The following CDON variants were observed in gnomAD, a reference collection of about 807,000 sequenced individuals.
CDON encodes cell adhesion associated, oncogene regulated.
A neutral mutation model predicts 120.9 loss-of-function variants in CDON; 73 were observed. The ratio of observed to expected loss-of-function variants is 0.60; its 90% CI spans 0.50 to 0.73. The LOEUF is 0.73. Among genes scored for constraint, CDON ranks in the 30% least tolerant of loss-of-function variants. The pLI, the probability that CDON is intolerant of heterozygous loss-of-function variation, is 0.00. For missense variants in CDON, 1,470 were observed against 1,587.3 expected (o/e 0.93, Z 1.26); for synonymous variants, 566 against 573.5 (o/e 0.99, Z 0.19).
intron 1 of CDON, among the ~76,000 whole-genome samples, chr11:126,046,833 A>G (rs1436319055): frequency 1.3e-5 from 2 of 152,002 alleles, no homozygotes; most frequent in Admixed American, 1.3e-4. Context: ...CTTCTACTCT[A>G]TTTCTTTCTG....
chr11:125,960,799 C>G lies in CDON; in HGVS notation c.*143G>C. The G allele has an allele frequency of 1.3e-6, 1 of 778,024 alleles. No homozygotes were observed. 48.2% of individuals were successfully genotyped at this position (778,024 alleles called of 1,614,324 possible). The stretch of plus-strand genomic sequence containing the variant: ...ATAAAAGGGCACACGTTTTAAGATA[C>G]ATTCATATGACATTACTACTACAAA... On this transcript the variant is annotated 3_prime_UTR_variant, in exon 20 of 20. Transcript: ENST00000531738.
rs939739188 is a variant in CDON at position 125,978,200 on chromosome 11, T to C, written c.3356+104A>G. 6 of 750,566 alleles carry C rather than the reference T, an allele frequency of 8.0e-6. No homozygotes were observed. The East Asian group carries it at 1.6e-4, about 20-fold the overall frequency. 46.5% of individuals were successfully genotyped at this position (750,566 alleles called of 1,614,324 possible). A position where few individuals can be genotyped will look rare whatever the true frequency, so the allele number is the denominator to read the frequency against. On this transcript the variant is annotated intron_variant, in intron 18 of 19. Coordinates refer to ENST00000531738, the MANE Select transcript of CDON (RefSeq NM_001378964.1). ...ATTTAAGATTGCAAATCCTGAACTT[T>C]ATATCCTAGGTAAAATTCCAAGAAC...
chr11:126,002,164 A>G (rs1351626024), intron 10 of CDON, among the ~76,000 whole-genome samples: 1 of 152,198 alleles, frequency 6.6e-6, no homozygotes, highest in African/African-American at 2.4e-5. Context: ...TTTTCTTTTT[A>G]CTGTATATAT....
At chr11:125,993,388 CGT>C (rs900926891) in intron 14 of CDON, among the ~76,000 whole-genome samples, 65 of 59,682 alleles carry the variant, frequency 1.1e-3, no homozygotes, top group African/African-American at 4.3e-3. Context: ...CACATGCGCG[CGT>C]GCGTGCACAC....
rs1338518251 is a variant in CDON at position 126,021,321 on chromosome 11, C to T, written c.276G>A (p.Leu92=). ...TGTTGGCAAGGCACTGGTAGTAACCCAAAAGAGAGGAGTTGAGAGAAAGAA... is the reference window on the plus strand; with the variant it reads ...TGTTGGCAAGGCACTGGTAGTAACCTAAAAGAGAGGAGTTGAGAGAAAGAA... ...LTILSLNSSL[L]GYYQCLANNS... The change falls in exon 3 of 20, where the codon TTG becomes TTA. Residue 92 remains leucine (L), a synonymous_variant. Transcript: ENST00000531738. 1 of 1,614,098 alleles carries T rather than the reference C, an allele frequency of 6.2e-7. No individual in the cohort carries two copies. Among genetic ancestry groups the T allele is most frequent in the East Asian group, 2.2e-5 (1 of 44,890 alleles).
intron 19 of CDON, 80 bp from the exon 20 acceptor site, chr11:125,961,185 C>T (rs1945634484): frequency 7.7e-7 from 1 of 1,296,622 alleles, no homozygotes; most frequent in Non-Finnish European, 1.1e-6. Flanking sequence ...CTTCTTCACA[C>T]TTTGAGCCAA....
At chr11:125,982,511 G>C (rs540375677) in intron 16 of CDON, among the ~76,000 whole-genome samples, 2 of 152,162 alleles carry the variant, frequency 1.3e-5, no homozygotes, top group African/African-American at 2.4e-5. Context: ...CTCTCGCCCA[G>C]GTGTGTAGTC....
At chr11:125,981,975 T>TTTC (rs1946323444) in intron 16 of CDON, among the ~76,000 whole-genome samples, 1 of 93,338 alleles carries the variant, frequency 1.1e-5, no homozygotes, top group Non-Finnish European at 1.9e-5. Flanking sequence ...ATTTTCTTTT[T>TTTC]TTTTTTTTTT....
At chr11:126,012,629 G>A (rs1361293770) in intron 7 of CDON, among the ~76,000 whole-genome samples, 3 of 149,132 alleles carry the variant, frequency 2.0e-5, no homozygotes, top group South Asian at 2.1e-4. Flanking sequence ...GGCTGGCCTC[G>A]AACTCCTGAG....
chr11:126,018,424 G>A lies in CDON; in HGVS notation c.546C>T (p.Ser182=), dbSNP rs1234303901. The A allele has an allele frequency of 1.9e-6, 3 of 1,613,310 alleles. No individual in the cohort carries two copies. Among genetic ancestry groups the A allele is most frequent in the East Asian group, 2.2e-5 (1 of 44,868 alleles). ...PSGNLQILNV[S]LEDKGSYKCA... Reference sequence around the variant, plus strand: ...ATTTGTATGATCCCTTGTCCTCTAAGGATACATTCAAAATCTGAAGATTTC... The same window carrying A: ...ATTTGTATGATCCCTTGTCCTCTAAAGATACATTCAAAATCTGAAGATTTC... The change falls in exon 5 of 20, where the codon TCC becomes TCT. Residue 182 remains serine, a synonymous_variant. Coordinates refer to ENST00000531738, the MANE Select transcript of CDON (RefSeq NM_001378964.1).
At chr11:126,057,774 AGCTG>A (rs1026209738) in intron 1 of CDON, among the ~76,000 whole-genome samples, 11 of 152,248 alleles carry the variant, frequency 7.2e-5, no homozygotes, top group African/African-American at 2.7e-4. Context: ...AATTTAAGAA[AGCTG>A]TATTGTTTCA....
Position 126,049,690 on chromosome 11 carries a change from A to C in CDON, c.-62+12889T>G, listed in dbSNP as rs539364877. 2.0e-5 allele frequency among the ~76,000 whole-genome samples: 3 copies of C among 152,372 alleles called. No homozygotes were observed. The South Asian group carries it at 6.2e-4, about 32-fold the overall frequency. On this transcript the variant is annotated intron_variant, in intron 1 of 19. Transcript: ENST00000531738. The stretch of plus-strand genomic sequence containing the variant: ...AAATAGTTAACAACTGACAAAAGCA[A>C]TACTAAAGGAATCACTTAAAACTGC...
chr11:126,032,321 A>G (rs1947965567), intron 1 of CDON, among the ~76,000 whole-genome samples: 2 of 151,908 alleles, frequency 1.3e-5, no homozygotes, highest in Non-Finnish European at 2.9e-5. Context: ...GGAGGAAGAG[A>G]AGGAAGGAAG....
chr11:126,023,656 C>T (rs757197709), intron 1 of CDON, 119 bp from the exon 2 acceptor site: 2 of 653,536 alleles, frequency 3.1e-6, no homozygotes, highest in Non-Finnish European at 5.5e-6. Flanking sequence ...ACGTCAAATA[C>T]CAGGCACTTA....
In CDON at chr11:126,015,273, A is replaced by G. The variant is rs1565529868; in HGVS notation, c.1166T>C (p.Met389Thr). Residue 389 changes from methionine (M) to threonine (T), a missense_variant, in exon 7 of 20, where the codon ATG becomes ACG. Coordinates refer to ENST00000531738, the MANE Select transcript of CDON (RefSeq NM_001378964.1). ...QCVADNGIGF[M>T]HSTGRLEIEN... ...AATTTCAAGTCTTCCAGTAGAGTGC[A>G]TAAATCCAATCCCATTATCTGCTAC... is the stretch of plus-strand genomic sequence containing the variant. 2.5e-5 allele frequency: 40 copies of G among 1,614,074 alleles called. No homozygotes were observed. Among genetic ancestry groups the G allele is most frequent in the Non-Finnish European group, 3.3e-5 (39 of 1,180,024 alleles).
In CDON at chr11:126,003,993, C is replaced by A. The variant is rs1947037916; in HGVS notation, c.1935G>T (p.Leu645=). The A allele has an allele frequency of 1.9e-6, 3 of 1,614,000 alleles. No individual in the cohort carries two copies. Among genetic ancestry groups the A allele is most frequent in the Non-Finnish European group, 1.7e-6 (2 of 1,180,038 alleles). ...GSENELHLAE[L]EPSSLYEVLM... Reference sequence around the variant, plus strand: ...AGACTTCATAAAGACTAGATGGCTCCAGCTCAGCTAAATGGAGCTCATTTT... The same window carrying A: ...AGACTTCATAAAGACTAGATGGCTCAAGCTCAGCTAAATGGAGCTCATTTT... The change falls in exon 10 of 20, where the codon CTG becomes CTT. Residue 645 remains leucine (L), a synonymous_variant. Coordinates refer to ENST00000531738, the MANE Select transcript of CDON (RefSeq NM_001378964.1).
At chr11:125,981,361 C>A in intron 16 of CDON, 32 bp from the exon 17 acceptor site, 1 of 1,324,248 alleles carries the variant, frequency 7.6e-7, no homozygotes, top group East Asian at 2.3e-5. Context: ...GACACACACG[C>A]ACACACACAC....
chr11:125,971,183 A>T (rs12295584), intron 18 of CDON, among the ~76,000 whole-genome samples: 2,409 of 152,220 alleles, frequency 0.016, 72 homozygotes, highest in African/African-American at 0.055. Flanking sequence ...GGAGACCAAG[A>T]CCATCCTGGC....
intron 11 of CDON, among the ~76,000 whole-genome samples, chr11:126,000,370 G>C (rs1946907422): frequency 6.6e-6 from 1 of 151,690 alleles, no homozygotes; most frequent in Admixed American, 6.6e-5. Context: ...ACCACACATG[G>C]CTACTTTTAA....
Sources: gnomAD v4.1 joint callset for allele counts (sites outside exome capture counted in the v4.1 genomes callset) on GRCh38, gnomAD v4.1.1 for gene constraint, MANE v1.5 for transcripts, NCBI Gene and HGNC (gene_info 2026-07-23, HGNC 2026-07-21) for gene names.